The following RBMS3 variants were observed in gnomAD, a reference collection of about 807,000 sequenced individuals.
The protein encoded by RBMS3 is RNA-binding motif, single-stranded-interacting protein 3.
Under a neutral mutation model 66.8 loss-of-function variants are expected in RBMS3, and 27 were observed. The ratio of observed to expected loss-of-function variants is 0.40; its 90% CI spans 0.30 to 0.56. RBMS3 has a LOEUF of 0.56. Ranked by LOEUF, RBMS3 falls within the 20% of genes least tolerant of loss-of-function variation. The pLI is 0.40. For synonymous variants in RBMS3, 188 were observed against 183.0 expected, an observed-to-expected ratio of 1.03 and a Z score of -0.22; for missense variants, 513 against 549.5, an observed-to-expected ratio of 0.93 and a Z score of 0.66.
At chr3:29,346,766 A>G (rs4680822) in intron 1 of RBMS3, among the ~76,000 whole-genome samples, 26,776 of 152,132 alleles carry the variant, frequency 0.18, 2,460 homozygotes, top group Admixed American at 0.24. Context: ...ATTAATGAGC[A>G]TTAGCAGGGG....
intron 1 of RBMS3, among the ~76,000 whole-genome samples, chr3:29,289,179 A>G (rs1314230534): frequency 6.6e-6 from 1 of 151,878 alleles, no homozygotes; most frequent in African/African-American, 2.4e-5. Context: ...GAAATGGGTG[A>G]AATAACCCTG....
intron 2 of RBMS3, among the ~76,000 whole-genome samples, chr3:29,461,421 T>A (rs1032638679): frequency 6.6e-6 from 1 of 152,240 alleles, no homozygotes; most frequent in Non-Finnish European, 1.5e-5. Context: ...TCTCCAGGAC[T>A]CTTCTGTTGT....
At chr3:29,332,330 T>A (rs1025610090) in intron 1 of RBMS3, among the ~76,000 whole-genome samples, 1 of 152,196 alleles carries the variant, frequency 6.6e-6, no homozygotes, top group Non-Finnish European at 1.5e-5. Flanking sequence ...TGCCTCCTTT[T>A]GTTTTTTTTC....
chr3:29,296,500 C>T (rs1026397976), intron 1 of RBMS3, among the ~76,000 whole-genome samples: 1 of 151,774 alleles, frequency 6.6e-6, no homozygotes, highest in South Asian at 2.1e-4. Flanking sequence ...TCTAATGGAC[C>T]TAGGTTAAAT....
At chr3:29,469,678 T>TATATAC (rs1440637993) in intron 2 of RBMS3, among the ~76,000 whole-genome samples, 1 of 151,152 alleles carries the variant, frequency 6.6e-6, no homozygotes, top group African/African-American at 2.4e-5. Flanking sequence ...TATATATATA[T>TATATAC]ACATACGTAT....
intron 2 of RBMS3, among the ~76,000 whole-genome samples, chr3:29,473,728 C>T (rs911235626): frequency 1.4e-4 from 21 of 152,224 alleles, no homozygotes; most frequent in African/African-American, 3.6e-4. Context: ...GTACACCCTC[C>T]GCAGCTGCTG....
At chr3:29,437,631 T>TA (rs2041449862) in intron 2 of RBMS3, among the ~76,000 whole-genome samples, 1 of 152,178 alleles carries the variant, frequency 6.6e-6, no homozygotes, top group South Asian at 2.1e-4. Context: ...TAGAGAATCT[T>TA]AAAGAACTGA....
In RBMS3 at chr3:29,588,846, C is replaced by A. The variant is rs144095431; in HGVS notation, c.399+1641C>A. Among the ~76,000 whole-genome samples, 31 of 152,070 alleles carry A rather than the reference C, an allele frequency of 2.0e-4. 1 individual carries two copies. In the East Asian group the frequency reaches 5.8e-3, roughly 28 times the overall value. On this transcript the variant is annotated intron_variant, in intron 4 of 14. Coordinates refer to ENST00000383767, the MANE Select transcript of RBMS3 (RefSeq NM_001003793.3). The stretch of plus-strand genomic sequence containing the variant: ...CCACAAAACAAATGATGAAATGTAG[C>A]TGTTAGGTATATGTAAAATAAGTAA...
chr3:29,488,439 A>T lies in RBMS3; in HGVS notation c.249-2A>T. 6.2e-7 allele frequency: 1 copy of T among 1,602,658 alleles called. No homozygotes were observed. The highest frequency in any genetic ancestry group is 8.5e-7 in the Non-Finnish European group (1 of 1,170,328). On this transcript the variant is annotated splice_acceptor_variant, in intron 2 of 14. Transcript: ENST00000383767. LOFTEE classifies it high-confidence loss of function. Reference sequence around the variant, plus strand: ...GGGTTTTTTTCTCTCTCTCTCTTTCAGGTATGGAAAAATTGTATCTACAAA... The same window carrying T: ...GGGTTTTTTTCTCTCTCTCTCTTTCTGGTATGGAAAAATTGTATCTACAAA...
intron 6 of RBMS3, among the ~76,000 whole-genome samples, chr3:29,816,240 C>T (rs780344642): frequency 5.9e-5 from 9 of 151,536 alleles, no homozygotes; most frequent in African/African-American, 7.3e-5. Flanking sequence ...GAAGACTGCC[C>T]GATTAGCAAA....
At chr3:29,794,985 G>A (rs1457626702) in intron 6 of RBMS3, among the ~76,000 whole-genome samples, 2 of 152,124 alleles carry the variant, frequency 1.3e-5, no homozygotes, top group African/African-American at 2.4e-5. Flanking sequence ...ACTATTTTTT[G>A]AAGTTGTAGG....
At chr3:29,395,758 G>A (rs1338254639) in intron 1 of RBMS3, among the ~76,000 whole-genome samples, 1 of 152,166 alleles carries the variant, frequency 6.6e-6, no homozygotes, top group African/African-American at 2.4e-5. Context: ...TTAAAATTTA[G>A]ATTCAGAGAA....
intron 4 of RBMS3, among the ~76,000 whole-genome samples, chr3:29,694,262 A>G (rs1485056472): frequency 6.6e-6 from 1 of 152,110 alleles, no homozygotes; most frequent in African/African-American, 2.4e-5. Context: ...TTTTTGTCAC[A>G]TACATTTTCA....
intron 1 of RBMS3, among the ~76,000 whole-genome samples, chr3:29,306,573 G>T (rs1259208422): frequency 6.6e-6 from 1 of 151,974 alleles, no homozygotes; most frequent in Non-Finnish European, 1.5e-5. Flanking sequence ...GTGATATTTA[G>T]TGTTATGGAG....
At chr3:29,337,000 TGCTC>T (rs1254202211) in intron 1 of RBMS3, among the ~76,000 whole-genome samples, 1 of 152,162 alleles carries the variant, frequency 6.6e-6, no homozygotes, top group African/African-American at 2.4e-5. Flanking sequence ...TTTTTTAAAA[TGCTC>T]TAATTATAAT....
At chr3:29,480,734 G>A (rs921632344) in intron 2 of RBMS3, among the ~76,000 whole-genome samples, 2 of 152,192 alleles carry the variant, frequency 1.3e-5, no homozygotes, top group African/African-American at 4.8e-5. Context: ...TAAATGAAAA[G>A]AGAGACACCC....
At chr3:29,286,279 TC>T (rs915695538) in intron 1 of RBMS3, among the ~76,000 whole-genome samples, 71 of 152,202 alleles carry the variant, frequency 4.7e-4, no homozygotes, top group African/African-American at 1.7e-3. Context: ...GAAGGGGCCA[TC>T]CTTGTTTCTT....
intron 2 of RBMS3, among the ~76,000 whole-genome samples, chr3:29,441,774 T>C (rs1053624468): frequency 2.6e-5 from 4 of 152,128 alleles, no homozygotes; most frequent in African/African-American, 9.7e-5. Context: ...ATAATTCTAG[T>C]ATGTAGCAAA....
chr3:29,571,662 T>G (rs1383215741), intron 3 of RBMS3, among the ~76,000 whole-genome samples: 1 of 152,168 alleles, frequency 6.6e-6, no homozygotes, highest in Non-Finnish European at 1.5e-5. Flanking sequence ...TACCATGCTG[T>G]TTTGGTTACT....
Sources: allele counts gnomAD v4.1 joint callset (sites outside exome capture counted in the v4.1 genomes callset), GRCh38; gene constraint gnomAD v4.1.1; transcripts MANE v1.5; gene names NCBI Gene and HGNC (gene_info 2026-07-23, HGNC 2026-07-21).